The following CALN1 variants were observed in gnomAD, a reference collection of about 807,000 sequenced individuals.
CALN1 encodes calcium-binding protein 8.
In CALN1, 17 loss-of-function variants were observed where a neutral mutation model predicts 30.6. That is an observed-to-expected ratio of 0.56 (90% CI 0.38 to 0.83). CALN1 has a LOEUF of 0.83. Ranked by LOEUF, CALN1 falls within the 40% of genes least tolerant of loss-of-function variation. CALN1 has a pLI of 0.00. For missense variants in CALN1, 291 were observed against 354.9 expected (o/e 0.82, Z 1.45); for synonymous variants, 156 against 131.4 (o/e 1.19, Z -1.28).
At chr7:72,273,523 T>C (rs867277415) in intron 3 of CALN1, among the ~76,000 whole-genome samples, 65 of 141,948 alleles carry the variant, frequency 4.6e-4, no homozygotes, top group African/African-American at 1.2e-3. Context: ...TTTTTTTTCT[T>C]CCCCCTAGAG....
rs552707519 is a variant in CALN1 at position 72,123,518 on chromosome 7, C to T, written c.245-17224G>A. On this transcript the variant is annotated intron_variant, in intron 3 of 6. Transcript: ENST00000395275. ...CTTGTTTCTAATTTGCTTGCAAATA[C>T]GAGAGGCCCTGGAATCGCTATCTGT... 3.4e-4 allele frequency among the ~76,000 whole-genome samples: 51 copies of T among 152,230 alleles called. 1 individual carries two copies. Among genetic ancestry groups the T allele is most frequent in the Middle Eastern group, 6.8e-3 (2 of 294 alleles).
At chr7:72,022,303 C>T (rs1800750890) in intron 5 of CALN1, among the ~76,000 whole-genome samples, 1 of 152,214 alleles carries the variant, frequency 6.6e-6, no homozygotes, top group Non-Finnish European at 1.5e-5. Flanking sequence ...AAGCCCTGTG[C>T]TTCAAGGAGT....
chr7:71,992,668 C>G (rs1270390182), intron 5 of CALN1, among the ~76,000 whole-genome samples: 1 of 152,202 alleles, frequency 6.6e-6, no homozygotes, highest in African/African-American at 2.4e-5. Context: ...AAGACCTTAA[C>G]TTTTAACTTG....
At chr7:71,811,676 CTTTTTTT>C (rs59136685) in intron 5 of CALN1, among the ~76,000 whole-genome samples, 194 of 139,978 alleles carry the variant, frequency 1.4e-3, no homozygotes, top group African/African-American at 4.3e-3. Context: ...TTTCTTTTTT[CTTTTTTT>C]TTTTTTTTTT....
chr7:71,859,505 A>G (rs528598423), intron 5 of CALN1, among the ~76,000 whole-genome samples: 9 of 152,122 alleles, frequency 5.9e-5, no homozygotes, highest in African/African-American at 2.2e-4. Context: ...TTCTCCTTCA[A>G]CCTCCAGTTG....
intron 4 of CALN1, among the ~76,000 whole-genome samples, chr7:72,069,101 G>T (rs978997664): frequency 3.3e-5 from 5 of 152,200 alleles, no homozygotes; most frequent in African/African-American, 1.2e-4. Flanking sequence ...AGGAGCAGAT[G>T]CCAGTGCACA....
intron 3 of CALN1, among the ~76,000 whole-genome samples, chr7:72,223,926 T>C (rs998846369): frequency 1.3e-5 from 2 of 152,148 alleles, no homozygotes; most frequent in African/African-American, 2.4e-5. Context: ...CATGTTCTGA[T>C]GTATACATGG....
intron 1 of CALN1, among the ~76,000 whole-genome samples, chr7:72,407,829 T>G (rs1806809071): frequency 6.6e-6 from 1 of 152,124 alleles, no homozygotes; most frequent in Non-Finnish European, 1.5e-5. Flanking sequence ...AGGTGGGATG[T>G]GTGGAAATGA....
intron 3 of CALN1, among the ~76,000 whole-genome samples, chr7:72,179,796 C>A (rs774558195): frequency 6.6e-6 from 1 of 152,074 alleles, no homozygotes; most frequent in Non-Finnish European, 1.5e-5. Flanking sequence ...TTCACCCCTA[C>A]GCACTGCAAT....
intron 4 of CALN1, among the ~76,000 whole-genome samples, chr7:72,057,383 C>CT (rs60838093): frequency 0.22 from 22,902 of 101,946 alleles, 2,577 homozygotes; most frequent in East Asian, 0.3. Flanking sequence ...TTTAAATGTT[C>CT]TTTTTTTTTT....
chr7:72,247,241 T>A (rs1299269390), intron 3 of CALN1, among the ~76,000 whole-genome samples: 1 of 40,838 alleles, frequency 2.4e-5, no homozygotes, highest in African/African-American at 8.7e-5. Flanking sequence ...TTTTTTTTTT[T>A]TTTTTTTTTT....
At chr7:72,121,283 TATATAA>T (rs1333170592) in intron 3 of CALN1, among the ~76,000 whole-genome samples, 31 of 142,080 alleles carry the variant, frequency 2.2e-4, no homozygotes. Context: ...TATATAATAA[TATATAA>T]ATTATATAAT....
chr7:72,109,223 C>A (rs1286785973), intron 3 of CALN1, among the ~76,000 whole-genome samples: 1 of 152,066 alleles, frequency 6.6e-6, no homozygotes, highest in Non-Finnish European at 1.5e-5. Flanking sequence ...GAATTGTGGG[C>A]CCCAGCAGAG....
intron 2 of CALN1, among the ~76,000 whole-genome samples, chr7:72,324,501 G>A (rs1801124225): frequency 6.6e-6 from 1 of 151,826 alleles, no homozygotes; most frequent in Admixed American, 6.6e-5. Context: ...CCCTAGGAGT[G>A]GAAAGCTCAT....
chr7:72,306,033 TCTAAGGG>T (rs774775160), intron 2 of CALN1, among the ~76,000 whole-genome samples: 5 of 152,160 alleles, frequency 3.3e-5, no homozygotes, highest in Non-Finnish European at 7.4e-5. Context: ...CAAATTCCTA[TCTAAGGG>T]GTCTAGGGAG....
intron 4 of CALN1, among the ~76,000 whole-genome samples, chr7:72,048,411 G>A (rs954675013): frequency 6.6e-6 from 1 of 152,054 alleles, no homozygotes; most frequent in Non-Finnish European, 1.5e-5. Context: ...TGTGTGAGTA[G>A]AGCAGCACCT....
At chr7:71,788,682 G>A (rs1793131019) in intron 6 of CALN1, among the ~76,000 whole-genome samples, 1 of 151,292 alleles carries the variant, frequency 6.6e-6, no homozygotes, top group African/African-American at 2.4e-5. Context: ...TTTGATACTG[G>A]AGTCTCTCTC....
chr7:72,272,150 A>C (rs1269234621), intron 3 of CALN1, among the ~76,000 whole-genome samples: 2 of 152,128 alleles, frequency 1.3e-5, no homozygotes, highest in Non-Finnish European at 2.9e-5. Flanking sequence ...TGGAATAGTC[A>C]AAGTGACACT....
chr7:72,320,417 T>C (rs898227389), intron 2 of CALN1, among the ~76,000 whole-genome samples: 8 of 152,062 alleles, frequency 5.3e-5, no homozygotes, highest in African/African-American at 1.7e-4. Flanking sequence ...GTGGCTCTTA[T>C]TGGGGAAGCA....
Sources: gnomAD v4.1 joint callset for allele counts (sites outside exome capture counted in the v4.1 genomes callset) on GRCh38, gnomAD v4.1.1 for gene constraint, MANE v1.5 for transcripts, NCBI Gene and HGNC (gene_info 2026-07-23, HGNC 2026-07-21) for gene names.